The following AKT2 variants were observed in gnomAD, a reference collection of about 807,000 sequenced individuals.
AKT2 encodes RAC-beta serine/threonine-protein kinase.
Under a neutral mutation model 58.6 loss-of-function variants are expected in AKT2, and 16 were observed. The observed-to-expected ratio is 0.27, with a 90% CI of 0.18 to 0.41. AKT2 has a LOEUF of 0.41. AKT2 is among the 10% of genes least tolerant of loss of function. The probability of loss-of-function intolerance (pLI) is 1.00; values close to 1 mark genes in which losing one functional copy is unlikely to be tolerated. For synonymous variants in AKT2, 253 were observed against 254.0 expected (o/e 1.00, Z 0.04); for missense variants, 438 against 661.0 (o/e 0.66, Z 3.70).
Position 40,237,704 on chromosome 19 carries a change from G to A in AKT2, c.831+265C>T, listed in dbSNP as rs1974117069. 6.2e-6 allele frequency: 3 copies of A among 481,910 alleles called. No individual in the cohort carries two copies. Among genetic ancestry groups the A allele is most frequent in the Non-Finnish European group, 1.2e-5 (3 of 260,626 alleles). The allele number at this position is 481,910 out of a possible 1,614,324, so 29.9% of individuals were successfully genotyped here. On this transcript the variant is annotated intron_variant, in intron 9 of 13. Coordinates refer to ENST00000392038, the MANE Select transcript of AKT2 (RefSeq NM_001626.6). This position sits in a 1 kb window ranked among gnomAD's most constrained non-coding sequence, Gnocchi z 4.5. Reference sequence around the variant, plus strand: ...TTGACACTCCGCTAGTGGCCTAGGAGCGCTCATGGGAGGCTTGGGAAGGTC... The same window carrying A: ...TTGACACTCCGCTAGTGGCCTAGGAACGCTCATGGGAGGCTTGGGAAGGTC...
At chr19:40,277,936 C>T (rs956025497) in intron 1 of AKT2, among the ~76,000 whole-genome samples, 3 of 152,244 alleles carry the variant, frequency 2.0e-5, no homozygotes, top group African/African-American at 7.2e-5. Context: ...GTTCAGCAAT[C>T]AGGCCCCTAG....
In AKT2 at chr19:40,235,170, C is replaced by A; in HGVS notation, c.1264-23G>T. 6.2e-7 allele frequency: 1 copy of A among 1,613,602 alleles called. No homozygotes were observed. The highest frequency in any genetic ancestry group is 8.5e-7 in the Non-Finnish European group (1 of 1,179,536). On this transcript the variant is annotated intron_variant, in intron 12 of 13. Transcript: ENST00000392038. This position sits in a 1 kb window ranked among gnomAD's most constrained non-coding sequence, Gnocchi z 6.3. ...GAGCTACGGAGGAGAGGAGCTCAGGCTCAGGGACCCTGAGGCCAGGAGGCC... is the reference window on the plus strand; with the variant it reads ...GAGCTACGGAGGAGAGGAGCTCAGGATCAGGGACCCTGAGGCCAGGAGGCC...
In AKT2 at chr19:40,237,010, C is replaced by T. The variant is rs1478948542; in HGVS notation, c.832-625G>A. The T allele has an allele frequency of 1.7e-5, 3 of 177,086 alleles. No individual in the cohort carries two copies. Among genetic ancestry groups the T allele is most frequent in the African/African-American group, 7.2e-5 (3 of 41,714 alleles). The allele number at this position is 177,086 out of a possible 1,614,324, so 11.0% of individuals were successfully genotyped here. A position where few individuals can be genotyped will look rare whatever the true frequency, so the allele number is the denominator to read the frequency against. On this transcript the variant is annotated intron_variant, in intron 9 of 13. Transcript: ENST00000392038. This position sits in a 1 kb window ranked among gnomAD's most constrained non-coding sequence, Gnocchi z 4.5. ...CATCCCCCACAAGAATTAACCTCTA[C>T]TTCCCATCTGTACCACTGCACACAG...
chr19:40,253,527 AGAAAG>A (rs1421063487), intron 4 of AKT2, among the ~76,000 whole-genome samples: 2 of 152,246 alleles, frequency 1.3e-5, no homozygotes, highest in African/African-American at 4.8e-5. Flanking sequence ...CCACAGAGAA[AGAAAG>A]GAAAGTTAAA....
In AKT2 at chr19:40,231,319, C is replaced by G. The variant is rs1003883817; in HGVS notation, c.*2553G>C. The G allele has an allele frequency of 4.3e-5, 10 of 232,602 alleles. No homozygotes were observed. Among genetic ancestry groups the G allele is most frequent in the African/African-American group, 2.2e-4 (10 of 45,302 alleles). 14.4% of individuals were successfully genotyped at this position (232,602 alleles called of 1,614,324 possible). A position where few individuals can be genotyped will look rare whatever the true frequency, so the allele number is the denominator to read the frequency against. On this transcript the variant is annotated 3_prime_UTR_variant, in exon 14 of 14. Transcript: ENST00000392038. ...TGGTGTGAGGAGCAGCAACGTGGGT[C>G]AACTCGGGGCTGGGACGAGATGGAA...
rs2145134189 is a variant in AKT2, at chr19:40,231,285, G to A, written c.*2587C>T. The A allele has an allele frequency of 4.3e-6, 1 of 232,298 alleles. No homozygotes were observed. The highest frequency in any genetic ancestry group is 6.1e-5 in the East Asian group (1 of 16,432). The allele number at this position is 232,298 out of a possible 1,614,324, so 14.4% of individuals were successfully genotyped here. ...GGCCTGTGCCCACACTACGAGACCT[G>A]CATCACCATGGTGTGAGGAGCAGCA... On this transcript the variant is annotated 3_prime_UTR_variant, in exon 14 of 14. Transcript: ENST00000392038.
chr19:40,257,241 G>C (rs1017035437), intron 2 of AKT2, among the ~76,000 whole-genome samples, 187 bp from the exon 3 acceptor site: 3 of 152,222 alleles, frequency 2.0e-5, no homozygotes, highest in Non-Finnish European at 4.4e-5. Context: ...CGCAGGCTGG[G>C]GCACTGGGCT....
In AKT2 at chr19:40,282,323, T is replaced by C. The variant is rs1242135777; in HGVS notation, c.-85+2858A>G. 1.6e-5 allele frequency: 6 copies of C among 374,636 alleles called. No homozygotes were observed. In the East Asian group the frequency reaches 2.9e-4, roughly 18 times the overall value. 23.2% of individuals were successfully genotyped at this position (374,636 alleles called of 1,614,324 possible). On this transcript the variant is annotated intron_variant, in intron 1 of 13. Transcript: ENST00000392038. ...GAGACCACTGTATGGGAGTGAACAG[T>C]GTGGTCCAAGGTCGCAGAGCTAGAA...
rs140031667 is a variant in AKT2, at chr19:40,273,386, G to A, written c.-84-8035C>T. On this transcript the variant is annotated intron_variant, in intron 1 of 13. Coordinates refer to ENST00000392038, the MANE Select transcript of AKT2 (RefSeq NM_001626.6). The stretch of plus-strand genomic sequence containing the variant: ...TATTTCCTCTGATGGGTGGAGACAT[G>A]GGAAACTTCACTTTCTATACTGTAT... 3.3e-5 allele frequency: 5 copies of A among 151,156 alleles called. No homozygotes were observed. In the East Asian group the frequency reaches 7.8e-4, roughly 23 times the overall value. The allele number at this position is 151,156 out of a possible 1,614,324, so 9.4% of individuals were successfully genotyped here. A position where few individuals can be genotyped will look rare whatever the true frequency, so the allele number is the denominator to read the frequency against.
At chr19:40,266,820 A>G (rs201586684) in intron 1 of AKT2, among the ~76,000 whole-genome samples, 1 of 152,210 alleles carries the variant, frequency 6.6e-6, no homozygotes, top group East Asian at 1.9e-4. Flanking sequence ...AAATTAAAAA[A>G]TTAGCCAGGC....
chr19:40,251,496 A>C (rs2145265573), intron 4 of AKT2, among the ~76,000 whole-genome samples: 1 of 152,352 alleles, frequency 6.6e-6, no homozygotes, highest in South Asian at 2.1e-4. Flanking sequence ...AAAGGCAATA[A>C]TATGACACAC....
chr19:40,240,174 G>A (rs781687349), intron 6 of AKT2, 64 bp from the exon 7 acceptor site: 3 of 1,514,664 alleles, frequency 2.0e-6, no homozygotes, highest in East Asian at 2.2e-5. Flanking sequence ...CCGCCCCGAC[G>A]AAGGGGAGCA....
Position 40,275,764 on chromosome 19 carries a change from T to TGGAG in AKT2, c.-85+9416_-85+9417insCTCC, listed in dbSNP as rs1453536072. Among the ~76,000 whole-genome samples, 6 of 4,740 alleles carry TGGAG rather than the reference T, an allele frequency of 1.3e-3. 1 individual carries two copies. The East Asian group carries it at 0.021, about 17-fold the overall frequency. The allele number at this position is 4,740 out of a possible 152,430, so 3.1% of individuals were successfully genotyped here. A position where few individuals can be genotyped will look rare whatever the true frequency, so the allele number is the denominator to read the frequency against. On this transcript the variant is annotated intron_variant, in intron 1 of 13. Transcript: ENST00000392038. ...CTGTAATCCCAGCACTTTGGGAGGC[T>TGGAG]GGGGGGGGGGGGGGTGGGCGGGGGG...
chr19:40,277,661 C>T (rs73933236), intron 1 of AKT2, among the ~76,000 whole-genome samples: 17,104 of 152,170 alleles, frequency 0.11, 1,373 homozygotes, highest in African/African-American at 0.22. Context: ...CTTTACCTGG[C>T]TGCACCCCGT....
At chr19:40,268,192 G>A (rs1976498263) in intron 1 of AKT2, among the ~76,000 whole-genome samples, 1 of 152,176 alleles carries the variant, frequency 6.6e-6, no homozygotes, top group African/African-American at 2.4e-5. Flanking sequence ...AGAGTCCAAA[G>A]GAGGGGCTGA....
Position 40,242,058 on chromosome 19 carries a change from G to A in AKT2, c.453C>T (p.Asp151=). The part of the protein sequence containing the change: ...SKARAKVTMN[D]FDYLKLLGKG... ...TGCCAAGGAGTTTGAGATAGTCGAA[G>A]TCATTCATGGTCTGCCAGGGACAGG... Residue 151 remains aspartate (D), a synonymous_variant, in exon 6 of 14, where the codon GAC becomes GAT. Transcript: ENST00000392038. This position sits in a 1 kb window ranked among gnomAD's most constrained non-coding sequence, Gnocchi z 4.3. 6 of 1,614,232 alleles carry A rather than the reference G, an allele frequency of 3.7e-6. No individual in the cohort carries two copies. The highest frequency in any genetic ancestry group is 5.1e-6 in the Non-Finnish European group (6 of 1,180,046).
chr19:40,257,586 AACACACACACACACACAC>A (rs59835118), intron 2 of AKT2, among the ~76,000 whole-genome samples: 1 of 146,124 alleles, frequency 6.8e-6, no homozygotes, highest in Non-Finnish European at 1.5e-5. Context: ...TATGCACACA[AACACACACACACACACAC>A]ACACACACAC....
chr19:40,255,551 C>T (rs748045526), intron 3 of AKT2, among the ~76,000 whole-genome samples: 1 of 152,198 alleles, frequency 6.6e-6, no homozygotes, highest in African/African-American at 2.4e-5. Context: ...AGCATCCAAC[C>T]CAGCCTGGGG....
rs988606377 is a variant in AKT2 at position 40,230,453 on chromosome 19, T to C, written c.*3419A>G. 3.5e-5 allele frequency: 8 copies of C among 225,596 alleles called. No individual in the cohort carries two copies. Among genetic ancestry groups the C allele is most frequent in the Non-Finnish European group, 7.1e-5 (8 of 113,328 alleles). The allele number at this position is 225,596 out of a possible 1,614,324, so 14.0% of individuals were successfully genotyped here. ...CCAGGAAGCAGCTGGAAAGCCTGAG[T>C]TCCCCCCATGCAGCAGCTAAAAGGG... On this transcript the variant is annotated 3_prime_UTR_variant, in exon 14 of 14. Coordinates refer to ENST00000392038, the MANE Select transcript of AKT2 (RefSeq NM_001626.6).
Sources: gnomAD v4.1 joint callset for allele counts (sites outside exome capture counted in the v4.1 genomes callset) on GRCh38, gnomAD v4.1.1 for gene constraint, Gnocchi (gnomAD v3.1) non-coding constraint, MANE v1.5 for transcripts, NCBI Gene and HGNC (gene_info 2026-07-23, HGNC 2026-07-21) for gene names.